Variants in EPC1 observed in about 807,000 individuals in gnomAD.
EPC1 encodes the protein enhancer of polycomb homolog 1.
Under a neutral mutation model 98.4 loss-of-function variants are expected in EPC1, and 12 were observed. The ratio of observed to expected loss-of-function variants is 0.12; its 90% CI spans 0.08 to 0.20. The LOEUF (loss-of-function observed/expected upper bound fraction) is 0.20. Among genes scored for constraint, EPC1 ranks in the 10% least tolerant of loss-of-function variants. The pLI, the probability that EPC1 is intolerant of heterozygous loss-of-function variation, is 1.00. For synonymous variants in EPC1, 357 were observed against 363.9 expected (o/e 0.98, Z 0.21); for missense variants, 729 against 990.5 (o/e 0.74, Z 3.54).
intron 10 of EPC1, among the ~76,000 whole-genome samples, chr10:32,278,129 C>T (rs574369690): frequency 6.6e-6 from 1 of 151,046 alleles, no homozygotes; most frequent in East Asian, 2.0e-4. Context: ...TTGCCCAGGC[C>T]TCCCGGGTTC....
chr10:32,289,259 T>C (rs996303840), intron 6 of EPC1, among the ~76,000 whole-genome samples: 1 of 152,090 alleles, frequency 6.6e-6, no homozygotes, highest in African/African-American at 2.4e-5. Context: ...TTCCAGATCA[T>C]TGAAGAGAAT....
chr10:32,316,716 G>A (rs148992847), intron 1 of EPC1, among the ~76,000 whole-genome samples: 1 of 152,322 alleles, frequency 6.6e-6, no homozygotes, highest in African/African-American at 2.4e-5. Flanking sequence ...TCTCTATCTT[G>A]ATGGGGGGCT....
At chr10:32,286,648 C>T in intron 9 of EPC1, 46 bp downstream of exon 9, 1 of 1,605,302 alleles carries the variant, frequency 6.2e-7, no homozygotes. Flanking sequence ...TTCAATCACC[C>T]TAATGCCTAA....
At chr10:32,372,125 T>A (rs1051063779) in intron 1 of EPC1, among the ~76,000 whole-genome samples, 1 of 152,344 alleles carries the variant, frequency 6.6e-6, no homozygotes, top group East Asian at 1.9e-4. Flanking sequence ...TTCTCAAATG[T>A]TGCTGCCTGG....
chr10:32,376,410 A>G (rs2133132256), intron 1 of EPC1, among the ~76,000 whole-genome samples: 1 of 152,212 alleles, frequency 6.6e-6, no homozygotes, highest in East Asian at 1.9e-4. Flanking sequence ...ACTTCAGAGA[A>G]CTAAACTCTC....
At chr10:32,273,939 A>T (rs537972835) in intron 10 of EPC1, 1 of 152,276 alleles carries the variant, frequency 6.6e-6, no homozygotes, top group Non-Finnish European at 1.5e-5. Flanking sequence ...AAATCCAGTC[A>T]ATAAGAACGG....
At chr10:32,341,857 C>A (rs1838378304) in intron 1 of EPC1, among the ~76,000 whole-genome samples, 1 of 152,206 alleles carries the variant, frequency 6.6e-6, no homozygotes, top group Non-Finnish European at 1.5e-5. Flanking sequence ...ATCTTAACCC[C>A]TGGGCTTTCT....
chr10:32,313,076 AT>A (rs34808423), intron 1 of EPC1, among the ~76,000 whole-genome samples: 43 of 148,060 alleles, frequency 2.9e-4, no homozygotes, highest in East Asian at 1.2e-3. Context: ...TGAAACTTAG[AT>A]TTTTTTTTTT....
intron 1 of EPC1, among the ~76,000 whole-genome samples, chr10:32,343,696 G>GT (rs961076959): frequency 6.8e-6 from 1 of 147,030 alleles, no homozygotes; most frequent in Non-Finnish European, 1.5e-5. Context: ...AATTATTTTG[G>GT]GGGGGGGGTG....
intron 2 of EPC1, among the ~76,000 whole-genome samples, chr10:32,305,327 T>C (rs1033262434): frequency 6.6e-6 from 1 of 152,250 alleles, no homozygotes; most frequent in African/African-American, 2.4e-5. Flanking sequence ...TAGCTGATTT[T>C]GCACTGCAAC....
At chr10:32,296,765 G>C (rs1162504616) in intron 2 of EPC1, among the ~76,000 whole-genome samples, 2 of 152,084 alleles carry the variant, frequency 1.3e-5, no homozygotes, top group African/African-American at 4.8e-5. Context: ...AATTTAGCTG[G>C]GCGTGGTGGC....
chr10:32,319,235 G>T (rs938403234), intron 1 of EPC1, among the ~76,000 whole-genome samples: 1 of 152,144 alleles, frequency 6.6e-6, no homozygotes, highest in Non-Finnish European at 1.5e-5. Flanking sequence ...TTCAACTGAA[G>T]TCTTTACAAA....
At chr10:32,360,453 G>A (rs1052192402) in intron 1 of EPC1, among the ~76,000 whole-genome samples, 1 of 152,158 alleles carries the variant, frequency 6.6e-6, no homozygotes, top group Non-Finnish European at 1.5e-5. Flanking sequence ...AAACAGTCCA[G>A]TGATAAGTAA....
chr10:32,273,863 AG>A (rs1476986212), intron 10 of EPC1: 1 of 152,202 alleles, frequency 6.6e-6, no homozygotes, highest in African/African-American at 2.4e-5. Flanking sequence ...TAAGTTTAAC[AG>A]GAAGAAAAGA....
intron 9 of EPC1, chr10:32,285,834 A>C (rs1836652916): frequency 6.6e-6 from 1 of 152,196 alleles, no homozygotes; most frequent in Non-Finnish European, 1.5e-5. Flanking sequence ...AATAACATTG[A>C]TTAATGTTAG....
chr10:32,378,411 T>G, intron 1 of EPC1: 1 of 1,175,768 alleles, frequency 8.5e-7, no homozygotes, highest in Admixed American at 2.2e-5. Context: ...TTGGTTTTGT[T>G]AGAAGAAACA....
At chr10:32,365,002 A>G (rs1376887692) in intron 1 of EPC1, among the ~76,000 whole-genome samples, 1 of 152,050 alleles carries the variant, frequency 6.6e-6, no homozygotes, top group Non-Finnish European at 1.5e-5. Flanking sequence ...AGGGAAGCCA[A>G]AAGATTGGAT....
At chr10:32,321,867 C>T (rs1320452100) in intron 1 of EPC1, among the ~76,000 whole-genome samples, 1 of 151,564 alleles carries the variant, frequency 6.6e-6, no homozygotes, top group Non-Finnish European at 1.5e-5. Flanking sequence ...GGGGAAGATT[C>T]AGAATACTAA....
At chr10:32,363,001 C>T (rs866391273) in intron 1 of EPC1, among the ~76,000 whole-genome samples, 30 of 152,308 alleles carry the variant, frequency 2.0e-4, no homozygotes, top group African/African-American at 6.3e-4. Flanking sequence ...TTCTGCTACA[C>T]TTTTGTAAAA....
Sources: gnomAD v4.1 joint callset for allele counts (sites outside exome capture counted in the v4.1 genomes callset) on GRCh38, gnomAD v4.1.1 for gene constraint, MANE v1.5 for transcripts, NCBI Gene and HGNC (gene_info 2026-07-23, HGNC 2026-07-21) for gene names.